Variants in IMPG1 observed in about 807,000 individuals in gnomAD.
The protein encoded by IMPG1 is interphotoreceptor matrix proteoglycan of 150 kDa.
A neutral mutation model predicts 92.0 loss-of-function variants in IMPG1; 85 were observed. That is an observed-to-expected ratio of 0.92 (90% CI 0.78 to 1.11). The LOEUF is 1.11. Among genes scored for constraint, IMPG1 ranks in the 50% least tolerant of loss-of-function variants. The probability of loss-of-function intolerance (pLI) is 0.00; values close to 1 mark genes in which losing one functional copy is unlikely to be tolerated. For missense variants in IMPG1, 1,022 were observed against 956.0 expected (o/e 1.07, Z -0.91); for synonymous variants, 367 against 334.1 (o/e 1.10, Z -1.08).
intron 13 of IMPG1, among the ~76,000 whole-genome samples, chr6:75,947,875 A>G (rs1781954423): frequency 6.6e-6 from 1 of 151,904 alleles, no homozygotes; most frequent in Admixed American, 6.6e-5. Context: ...AAAAAACCCA[A>G]GTAAATAAAA....
At chr6:76,055,861 C>G (rs913940354) in intron 1 of IMPG1, among the ~76,000 whole-genome samples, 1 of 151,884 alleles carries the variant, frequency 6.6e-6, no homozygotes, top group Non-Finnish European at 1.5e-5. Context: ...CTTACTATAA[C>G]TCAAAAAGAG....
chr6:75,985,716 G>C (rs1313880201), intron 12 of IMPG1, among the ~76,000 whole-genome samples: 2 of 152,140 alleles, frequency 1.3e-5, no homozygotes, highest in African/African-American at 4.8e-5. Flanking sequence ...TTGGAGAGCA[G>C]TTCCTTTATA....
chr6:76,015,800 C>CAAAAAAAAAAAAAAAAAA (rs35389302), intron 7 of IMPG1, among the ~76,000 whole-genome samples: 25 of 66,708 alleles, frequency 3.7e-4, no homozygotes, highest in African/African-American at 4.9e-4. Context: ...AACTCTGTCT[C>CAAAAAAAAAAAAAAAAAA]AAAAAAAAAA....
intron 1 of IMPG1, among the ~76,000 whole-genome samples, chr6:76,062,545 T>C (rs1784224498): frequency 2.0e-5 from 3 of 152,204 alleles, no homozygotes; most frequent in South Asian, 4.1e-4. Context: ...GGAACTACTA[T>C]TGGTAATTTT....
chr6:76,004,918 T>A (rs759929608), intron 10 of IMPG1, among the ~76,000 whole-genome samples: 2 of 152,220 alleles, frequency 1.3e-5, no homozygotes, highest in Non-Finnish European at 2.9e-5. Flanking sequence ...CTAATTTGAA[T>A]GTGCCATCTG....
intron 1 of IMPG1, among the ~76,000 whole-genome samples, chr6:76,066,603 G>A (rs952196231): frequency 1.4e-4 from 22 of 151,984 alleles, no homozygotes; most frequent in African/African-American, 3.9e-4. Flanking sequence ...AATAATATTG[G>A]GGGCCTTTAA....
In IMPG1 at chr6:76,012,930, A is replaced by G. The variant is rs184977215; in HGVS notation, c.808-1706T>C. Among the ~76,000 whole-genome samples the G allele has an allele frequency of 2.9e-4, 44 of 152,100 alleles. No homozygotes were observed. The East Asian group carries it at 4.7e-3, about 16-fold the overall frequency. On this transcript the variant is annotated intron_variant, in intron 7 of 16. Transcript: ENST00000369950. ...TCTAGAAAGCGCAGCATCCCTAGATACCTTCCCTCCCACCCCCCACATGCA... is the reference window on the plus strand; with the variant it reads ...TCTAGAAAGCGCAGCATCCCTAGATGCCTTCCCTCCCACCCCCCACATGCA...
At chr6:76,053,945 A>G (rs995019456) in intron 1 of IMPG1, among the ~76,000 whole-genome samples, 5 of 152,168 alleles carry the variant, frequency 3.3e-5, no homozygotes, top group Admixed American at 3.3e-4. Flanking sequence ...GGAGCAGATC[A>G]AACAGAAACA....
At chr6:75,969,714 C>T (rs1341851109) in intron 12 of IMPG1, among the ~76,000 whole-genome samples, 1 of 151,840 alleles carries the variant, frequency 6.6e-6, no homozygotes, top group Non-Finnish European at 1.5e-5. Context: ...GCCTGGGTGA[C>T]AGAGACTCCA....
At chr6:76,006,308 T>C (rs1481837569) in intron 9 of IMPG1, among the ~76,000 whole-genome samples, 3 of 148,968 alleles carry the variant, frequency 2.0e-5, no homozygotes, top group African/African-American at 4.9e-5. Context: ...AGTAGGACAA[T>C]AGTATATATA....
chr6:76,026,747 T>C (rs1034332957), intron 4 of IMPG1, among the ~76,000 whole-genome samples: 1 of 152,234 alleles, frequency 6.6e-6, no homozygotes, highest in Non-Finnish European at 1.5e-5. Flanking sequence ...TGTCTGCAGT[T>C]AACCTTTAAA....
At chr6:75,940,368 A>G (rs1411424520) in intron 14 of IMPG1, among the ~76,000 whole-genome samples, 1 of 152,224 alleles carries the variant, frequency 6.6e-6, no homozygotes, top group Non-Finnish European at 1.5e-5. Flanking sequence ...GTCTTTTAAA[A>G]ATATTTAATG....
In IMPG1 at chr6:75,927,843, G is replaced by A. The variant is rs117000511; in HGVS notation, c.2243+3110C>T. Among the ~76,000 whole-genome samples the A allele has an allele frequency of 1.8e-4, 26 of 148,514 alleles. No individual in the cohort carries two copies. The East Asian group carries it at 5.7e-3, about 32-fold the overall frequency. Reference sequence around the variant, plus strand: ...ATTTCATTCCATTAGTCTAAGGAGCGTCAATTTTTCAATGTATTTGAATCC... The same window carrying A: ...ATTTCATTCCATTAGTCTAAGGAGCATCAATTTTTCAATGTATTTGAATCC... On this transcript the variant is annotated intron_variant, in intron 15 of 16. Transcript: ENST00000369950.
At chr6:76,021,753 T>A (rs550872462) in intron 6 of IMPG1, among the ~76,000 whole-genome samples, 60 of 106,366 alleles carry the variant, frequency 5.6e-4, no homozygotes, top group Middle Eastern at 6.3e-3. Context: ...GATTGATTGA[T>A]TCATTCATTC....
intron 14 of IMPG1, among the ~76,000 whole-genome samples, chr6:75,944,065 G>A (rs1318438867): frequency 1.3e-5 from 2 of 152,224 alleles, no homozygotes. Flanking sequence ...GATTAAGCAT[G>A]TAGAAGATGG....
intron 12 of IMPG1, among the ~76,000 whole-genome samples, chr6:75,954,099 A>T (rs1262008688): frequency 6.6e-6 from 1 of 152,194 alleles, no homozygotes; most frequent in African/African-American, 2.4e-5. Context: ...TTATAGTAGA[A>T]TAATTTATAA....
At chr6:75,930,813 C>A in intron 15 of IMPG1, 140 bp downstream of exon 15, 1 of 753,446 alleles carries the variant, frequency 1.3e-6, no homozygotes, top group Non-Finnish European at 2.2e-6. Flanking sequence ...TTAACAGGCC[C>A]TTTTCTGGGT....
intron 6 of IMPG1, among the ~76,000 whole-genome samples, chr6:76,021,055 C>T (rs1434000826): frequency 6.6e-6 from 1 of 152,162 alleles, no homozygotes; most frequent in Non-Finnish European, 1.5e-5. Flanking sequence ...GAGTCTAGCA[C>T]ATTTTAAAGG....
intron 3 of IMPG1, 112 bp from the exon 4 acceptor site, chr6:76,034,455 C>T (rs1370313224): frequency 1.6e-6 from 2 of 1,218,420 alleles, no homozygotes; most frequent in African/African-American, 1.5e-5. Flanking sequence ...CCTGACTGTA[C>T]CATATTATTT....
Sources: allele counts gnomAD v4.1 joint callset (sites outside exome capture counted in the v4.1 genomes callset), GRCh38; gene constraint gnomAD v4.1.1; transcripts MANE v1.5; gene names NCBI Gene and HGNC (gene_info 2026-07-23, HGNC 2026-07-21).